The following SENP7 variants were observed in gnomAD, a reference collection of about 807,000 sequenced individuals.
SENP7 encodes the protein SUMO specific peptidase 7.
A neutral mutation model predicts 141.2 loss-of-function variants in SENP7; 64 were observed. The ratio of observed to expected loss-of-function variants is 0.45; its 90% CI spans 0.37 to 0.56. SENP7 has a LOEUF of 0.56. Among genes scored for constraint, SENP7 ranks in the 20% least tolerant of loss-of-function variants. The pLI is 0.00. For missense variants in SENP7, 1,025 were observed against 1,212.2 expected (o/e 0.85, Z 2.29); for synonymous variants, 382 against 426.4 (o/e 0.90, Z 1.28).
intron 1 of SENP7, among the ~76,000 whole-genome samples, chr3:101,512,734 A>C: frequency 6.6e-6 from 1 of 152,230 alleles, no homozygotes; most frequent in South Asian, 2.1e-4. Flanking sequence ...GGCGCTGAGA[A>C]GCCGAAATGA....
intron 1 of SENP7, among the ~76,000 whole-genome samples, chr3:101,509,783 A>C (rs1274970682): frequency 6.6e-6 from 1 of 152,222 alleles, no homozygotes; most frequent in Non-Finnish European, 1.5e-5. Context: ...TGAAGTTAAA[A>C]CTATAGATTT....
chr3:101,333,998 T>C (rs1030284359), intron 17 of SENP7, among the ~76,000 whole-genome samples: 33 of 152,168 alleles, frequency 2.2e-4, no homozygotes, highest in African/African-American at 8.0e-4. Flanking sequence ...GCACGCAACC[T>C]AGATCCCTTG....
chr3:101,375,416 G>A (rs543516984), intron 6 of SENP7, among the ~76,000 whole-genome samples: 6 of 151,880 alleles, frequency 4.0e-5, no homozygotes, highest in East Asian at 3.9e-4. Flanking sequence ...GGTGGCGCAC[G>A]CCTGTAATCC....
intron 7 of SENP7, among the ~76,000 whole-genome samples, chr3:101,369,863 A>G (rs1355554161): frequency 6.6e-6 from 1 of 152,208 alleles, no homozygotes; most frequent in Non-Finnish European, 1.5e-5. Context: ...ACCTGCAAAT[A>G]TTACTAGCAT....
chr3:101,340,358 T>C, intron 15 of SENP7, 147 bp from the exon 16 acceptor site: 1 of 996,496 alleles, frequency 1.0e-6, no homozygotes. Flanking sequence ...TAAATAATGA[T>C]ATTTTCCTTC....
intron 5 of SENP7, among the ~76,000 whole-genome samples, chr3:101,402,858 G>A (rs572803783): frequency 5.3e-5 from 8 of 152,266 alleles, no homozygotes; most frequent in East Asian, 1.9e-4. Context: ...AAGAGAATTC[G>A]TGTTGTTTTC....
intron 11 of SENP7, chr3:101,357,913 T>C: frequency 1.6e-6 from 1 of 606,550 alleles, no homozygotes; most frequent in Non-Finnish European, 2.9e-6. Context: ...TAATTCACAC[T>C]GGAGAGAAAC....
intron 4 of SENP7, among the ~76,000 whole-genome samples, chr3:101,441,759 C>T (rs967662262): frequency 6.6e-6 from 1 of 152,186 alleles, no homozygotes; most frequent in Admixed American, 6.5e-5. Context: ...TCATCCCTAC[C>T]ATGACTGGTG....
In SENP7 at chr3:101,383,636, C is replaced by A. The variant is rs140076167; in HGVS notation, c.678-11510G>T. Among the ~76,000 whole-genome samples, 29 of 152,368 alleles carry A rather than the reference C, an allele frequency of 1.9e-4. No individual in the cohort carries two copies. In the East Asian group the frequency reaches 5.0e-3, roughly 26 times the overall value. ...TTGAGGCCAAGGCGAGGCACTGTCACAACCTGGCCAGGTGTACACATGCTC... is the reference window on the plus strand; with the variant it reads ...TTGAGGCCAAGGCGAGGCACTGTCAAAACCTGGCCAGGTGTACACATGCTC... On this transcript the variant is annotated intron_variant, in intron 6 of 23. Coordinates refer to ENST00000394095, the MANE Select transcript of SENP7 (RefSeq NM_020654.5).
chr3:101,483,930 T>C (rs562154043), intron 3 of SENP7, among the ~76,000 whole-genome samples: 257 of 152,020 alleles, frequency 1.7e-3, no homozygotes, highest in African/African-American at 6.0e-3. Flanking sequence ...CAGAAGACTG[T>C]GGCATGAGAT....
At chr3:101,365,486 A>T (rs2060012128) in intron 9 of SENP7, among the ~76,000 whole-genome samples, 1 of 151,362 alleles carries the variant, frequency 6.6e-6, no homozygotes, top group Non-Finnish European at 1.5e-5. Flanking sequence ...AAATACAAAA[A>T]TTAGCCGGGC....
intron 3 of SENP7, among the ~76,000 whole-genome samples, chr3:101,473,065 A>C (rs1343830814): frequency 6.6e-6 from 1 of 152,122 alleles, no homozygotes; most frequent in African/African-American, 2.4e-5. Flanking sequence ...GCTCCATTCA[A>C]GTCCCTGCAA....
At chr3:101,510,782 G>A (rs1411916083) in intron 1 of SENP7, among the ~76,000 whole-genome samples, 1 of 150,422 alleles carries the variant, frequency 6.6e-6, no homozygotes, top group African/African-American at 2.5e-5. Context: ...GAACCTGGGA[G>A]GCAGGGGTGG....
chr3:101,498,827 A>G (rs2065258979), intron 2 of SENP7, among the ~76,000 whole-genome samples: 1 of 152,146 alleles, frequency 6.6e-6, no homozygotes, highest in South Asian at 2.1e-4. Context: ...CACAAACACT[A>G]TTGTGAACTG....
chr3:101,368,121 T>A, intron 7 of SENP7, 110 bp from the exon 8 acceptor site: 1 of 769,714 alleles, frequency 1.3e-6, no homozygotes, highest in Non-Finnish European at 2.1e-6. Flanking sequence ...CCAAAGCTCA[T>A]TAAAACAGAA....
At chr3:101,383,347 G>A (rs1412003990) in intron 6 of SENP7, among the ~76,000 whole-genome samples, 3 of 152,204 alleles carry the variant, frequency 2.0e-5, no homozygotes, top group South Asian at 2.1e-4. Context: ...GGCTGCAGTG[G>A]GGGAGGCACA....
intron 4 of SENP7, among the ~76,000 whole-genome samples, chr3:101,433,187 C>T (rs187075464): frequency 4.7e-4 from 72 of 151,728 alleles, no homozygotes; most frequent in Middle Eastern, 3.4e-3. Context: ...GTGTTGTTAT[C>T]GGGTTAACAT....
In SENP7 at chr3:101,445,192, G is replaced by A. The variant is rs76781946; in HGVS notation, c.284+13763C>T. 5.7e-3 allele frequency among the ~76,000 whole-genome samples: 874 copies of A among 152,064 alleles called. 9 individuals are homozygous for A. The highest frequency in any genetic ancestry group is 0.019 in the African/African-American group (784 of 41,488). On this transcript the variant is annotated intron_variant, in intron 4 of 23. Transcript: ENST00000394095. ...GAGAATGGGATGATATCTTCAAAGC[G>A]CTGAAATAAAGAGCTACCAGCCAAG...
intron 4 of SENP7, among the ~76,000 whole-genome samples, chr3:101,421,208 C>CA (rs34466584): frequency 6.6e-6 from 1 of 151,472 alleles, no homozygotes; most frequent in Non-Finnish European, 1.5e-5. Context: ...AATGGTTCCC[C>CA]AAAAAATGTA....
Sources: allele counts gnomAD v4.1 joint callset (sites outside exome capture counted in the v4.1 genomes callset), GRCh38; gene constraint gnomAD v4.1.1; transcripts MANE v1.5; gene names NCBI Gene and HGNC (gene_info 2026-07-23, HGNC 2026-07-21).